Variants in NUP98 observed in about 807,000 individuals in gnomAD.
NUP98 encodes the protein nuclear pore complex protein Nup98-Nup96.
NUP98 carries 26 observed loss-of-function variants against 191.9 expected under a neutral mutation model. The observed-to-expected ratio is 0.14, with a 90% CI of 0.10 to 0.19. NUP98 has a LOEUF of 0.19. Among genes scored for constraint, NUP98 ranks in the 10% least tolerant of loss-of-function variants. NUP98 has a pLI of 1.00. For synonymous variants in NUP98, 808 were observed against 778.4 expected, an observed-to-expected ratio of 1.04 and a Z score of -0.63; for missense variants, 1,941 against 2,178.8, an observed-to-expected ratio of 0.89 and a Z score of 2.17.
chr11:3,791,487 T>A (rs1484278401), intron 1 of NUP98, among the ~76,000 whole-genome samples: 1 of 122,626 alleles, frequency 8.2e-6, no homozygotes, highest in Non-Finnish European at 1.6e-5. Context: ...TGAGTTGAGA[T>A]CCCACCATTG....
At chr11:3,699,492 C>A in intron 24 of NUP98, 144 bp from the exon 25 acceptor site, 1 of 814,824 alleles carries the variant, frequency 1.2e-6, no homozygotes, top group East Asian at 2.7e-5. Context: ...CTGAATCTGT[C>A]TCTACCTCAC....
rs1589981117 is a variant in NUP98 at position 3,699,067 on chromosome 11, A to G, written c.4009+15T>C. The G allele has an allele frequency of 1.2e-6, 2 of 1,611,762 alleles. No individual in the cohort carries two copies. Among genetic ancestry groups the G allele is most frequent in the Non-Finnish European group, 1.7e-6 (2 of 1,179,616 alleles). ...GGCGACAGAGGCGCAGAGAAGGACC[A>G]TATGCCTTCCCCACCTGACTGCTGG... On this transcript the variant is annotated intron_variant, in intron 25 of 32. Coordinates refer to ENST00000324932, the MANE Select transcript of NUP98 (RefSeq NM_016320.5).
intron 10 of NUP98, among the ~76,000 whole-genome samples, chr11:3,755,812 A>C (rs1183550449): frequency 6.6e-6 from 1 of 152,112 alleles, no homozygotes; most frequent in Non-Finnish European, 1.5e-5. Flanking sequence ...AAAAATACAA[A>C]AATTAGCCGG....
chr11:3,737,401 G>A lies in NUP98; in HGVS notation c.1409-2077C>T, dbSNP rs538196671. On this transcript the variant is annotated intron_variant, in intron 12 of 32. Transcript: ENST00000324932. ...AGCACTTTGGGAGGCCGAGGCAGGC[G>A]GATCACAAGGTCAGGAGATCGAGAC... Among the ~76,000 whole-genome samples, 148 of 151,866 alleles carry A rather than the reference G, an allele frequency of 9.7e-4. 2 individuals are homozygous for A. The highest frequency in any genetic ancestry group is 3.4e-3 in the Middle Eastern group (1 of 292).
At chr11:3,702,333 TC>T (rs2078726856) in intron 23 of NUP98, 129 bp downstream of exon 23, 1 of 157,396 alleles carries the variant, frequency 6.4e-6, no homozygotes, top group African/African-American at 3.8e-5. Flanking sequence ...TCTCTCTCTC[TC>T]TCTCTCTCTC....
At chr11:3,679,514 G>A in intron 31 of NUP98, 40 bp downstream of exon 31, 1 of 1,612,902 alleles carries the variant, frequency 6.2e-7, no homozygotes, top group Non-Finnish European at 8.5e-7. Context: ...AAGGGCCTGA[G>A]AAAAGGAAAA....
chr11:3,683,546 T>A (rs76318032), intron 29 of NUP98, 105 bp from the exon 30 acceptor site: 6 of 3,382 alleles, frequency 1.8e-3, no homozygotes, highest in Admixed American at 0.013. Context: ...ACTGCAGGTC[T>A]TTTTTTTTTT....
intron 28 of NUP98, among the ~76,000 whole-genome samples, chr11:3,689,258 G>C (rs560188696): frequency 3.3e-5 from 5 of 152,230 alleles, no homozygotes; most frequent in Admixed American, 2.0e-4. Context: ...TAGGTGCAGT[G>C]GCTCGCGCCT....
chr11:3,723,829 C>CTT (rs34043967), intron 15 of NUP98, among the ~76,000 whole-genome samples: 20 of 142,312 alleles, frequency 1.4e-4, no homozygotes, highest in Non-Finnish European at 2.8e-4. Flanking sequence ...CAAAGGGTTT[C>CTT]TTTTTTTTTT....
intron 1 of NUP98, among the ~76,000 whole-genome samples, chr11:3,791,167 T>C (rs560428200): frequency 2.6e-5 from 4 of 151,928 alleles, no homozygotes; most frequent in Non-Finnish European, 4.4e-5. Flanking sequence ...AGTGCTGGGA[T>C]TACAGGCGTG....
chr11:3,780,985 CAGG>C (rs2081948602), intron 2 of NUP98, among the ~76,000 whole-genome samples: 1 of 151,820 alleles, frequency 6.6e-6, no homozygotes. Flanking sequence ...GGGGCTGAGG[CAGG>C]AGAACTGCTT....
At chr11:3,730,514 G>A (rs753586640) in intron 14 of NUP98, among the ~76,000 whole-genome samples, 5 of 151,902 alleles carry the variant, frequency 3.3e-5, no homozygotes, top group Non-Finnish European at 4.4e-5. Flanking sequence ...ACAGACGCAC[G>A]CAGCCATGCC....
Position 3,723,153 on chromosome 11 carries a change from T to C in NUP98, c.2146+4A>G. On this transcript the variant is annotated splice_donor_region_variant and intron_variant, in intron 16 of 32. Transcript: ENST00000324932. ...GATTAAACATGCACCAATCTGAACC[T>C]GACCTGCTGGGTGCATATGGTAAGA... The C allele has an allele frequency of 6.2e-7, 1 of 1,613,198 alleles. No homozygotes were observed. Among genetic ancestry groups the C allele is most frequent in the African/African-American group, 1.3e-5 (1 of 75,038 alleles).
At chr11:3,712,526 A>C (rs1425441983) in intron 20 of NUP98, 38 bp downstream of exon 20, 1 of 1,610,754 alleles carries the variant, frequency 6.2e-7, no homozygotes, top group African/African-American at 1.3e-5. Flanking sequence ...CTTCGGTATC[A>C]CGGATTCCAT....
At chr11:3,687,106 T>C (rs926591540) in intron 28 of NUP98, among the ~76,000 whole-genome samples, 2 of 152,014 alleles carry the variant, frequency 1.3e-5, no homozygotes, top group African/African-American at 4.8e-5. Flanking sequence ...ATTTAAGAAA[T>C]TTATTTTTGT....
chr11:3,693,111 T>C, intron 27 of NUP98, 121 bp downstream of exon 27: 3 of 932,112 alleles, frequency 3.2e-6, no homozygotes, highest in South Asian at 3.4e-5. Flanking sequence ...CTTGGGGAAG[T>C]AGCCTTGTCC....
chr11:3,763,056 A>T lies in NUP98; in HGVS notation c.949-17T>A. 6.2e-7 allele frequency: 1 copy of T among 1,611,452 alleles called. No homozygotes were observed. Reference sequence around the variant, plus strand: ...AAATAATCCCTGCAAAGAAGTTTATATAGATTAAAAGATATCCTGTAATAG... The same window carrying T: ...AAATAATCCCTGCAAAGAAGTTTATTTAGATTAAAAGATATCCTGTAATAG... On this transcript the variant is annotated splice_polypyrimidine_tract_variant and intron_variant, in intron 8 of 32. Coordinates refer to ENST00000324932, the MANE Select transcript of NUP98 (RefSeq NM_016320.5).
intron 12 of NUP98, among the ~76,000 whole-genome samples, chr11:3,743,864 G>A (rs4910695): frequency 2.0e-5 from 3 of 150,612 alleles, no homozygotes; most frequent in African/African-American, 4.9e-5. Context: ...TCAGCCTGGC[G>A]AACATGGTGA....
intron 10 of NUP98, among the ~76,000 whole-genome samples, chr11:3,757,586 G>A (rs1202203238): frequency 1.3e-5 from 2 of 151,598 alleles, no homozygotes; most frequent in African/African-American, 2.4e-5. Context: ...ATCACCTGAG[G>A]TCAGGAGTTC....
Sources: gnomAD v4.1 joint callset for allele counts (sites outside exome capture counted in the v4.1 genomes callset) on GRCh38, gnomAD v4.1.1 for gene constraint, MANE v1.5 for transcripts, NCBI Gene and HGNC (gene_info 2026-07-23, HGNC 2026-07-21) for gene names.